RGS7: variants seen among roughly 807,000 people sequenced by gnomAD.
The protein encoded by RGS7 is regulator of G-protein signaling 7.
Under a neutral mutation model 81.1 loss-of-function variants are expected in RGS7, and 27 were observed. The observed-to-expected ratio is 0.33, with a 90% CI of 0.25 to 0.46. The LOEUF (loss-of-function observed/expected upper bound fraction) is 0.46. Ranked by LOEUF, RGS7 falls within the 20% of genes least tolerant of loss-of-function variation. The probability of loss-of-function intolerance (pLI) is 1.00; values close to 1 mark genes in which losing one functional copy is unlikely to be tolerated. For synonymous variants in RGS7, 208 were observed against 207.7 expected (o/e 1.00, Z -0.01); for missense variants, 396 against 607.4 (o/e 0.65, Z 3.66).
chr1:241,171,465 TATTA>T (rs1285710428), intron 2 of RGS7, among the ~76,000 whole-genome samples: 36 of 152,332 alleles, frequency 2.4e-4, no homozygotes, highest in African/African-American at 8.4e-4. Flanking sequence ...TTTATCCATC[TATTA>T]ATTCAATAGA....
chr1:241,207,248 T>TTCTCTCTC (rs149671121), intron 2 of RGS7, among the ~76,000 whole-genome samples: 8 of 149,852 alleles, frequency 5.3e-5, no homozygotes, highest in Admixed American at 6.7e-5. Context: ...GTTTCTTTCT[T>TTCTCTCTC]TCTCTCTCTC....
chr1:241,119,754 T>C (rs2066121481), intron 2 of RGS7, among the ~76,000 whole-genome samples: 1 of 152,246 alleles, frequency 6.6e-6, no homozygotes. Context: ...TTTCCAAAAT[T>C]ATAACTTTCA....
chr1:241,355,186 T>C (rs1477949494), intron 2 of RGS7, among the ~76,000 whole-genome samples: 2 of 152,162 alleles, frequency 1.3e-5, no homozygotes, highest in East Asian at 3.8e-4. Context: ...TAAAAAATAA[T>C]TTAGGCTAAG....
chr1:241,086,803 C>T (rs2063476305), intron 3 of RGS7, among the ~76,000 whole-genome samples: 1 of 152,154 alleles, frequency 6.6e-6, no homozygotes, highest in South Asian at 2.1e-4. Flanking sequence ...TCATCCTGTG[C>T]AAAGGTCACG....
intron 2 of RGS7, among the ~76,000 whole-genome samples, chr1:241,131,338 T>C (rs1050998674): frequency 9.2e-5 from 14 of 152,180 alleles, no homozygotes; most frequent in Non-Finnish European, 1.5e-5. Flanking sequence ...TCTAGAACAA[T>C]AGTTTTCCAA....
chr1:240,912,710 A>T (rs1454445108), intron 6 of RGS7, among the ~76,000 whole-genome samples: 1 of 151,574 alleles, frequency 6.6e-6, no homozygotes, highest in African/African-American at 2.4e-5. Context: ...TTCCTTCCTC[A>T]CTCCCAACAC....
chr1:241,123,320 A>G (rs1224833125), intron 2 of RGS7, among the ~76,000 whole-genome samples: 1 of 152,208 alleles, frequency 6.6e-6, no homozygotes. Flanking sequence ...TGTCCATAAA[A>G]TAACTGCCTT....
At chr1:241,237,472 A>G (rs903132862) in intron 2 of RGS7, among the ~76,000 whole-genome samples, 29 of 152,266 alleles carry the variant, frequency 1.9e-4, no homozygotes, top group South Asian at 1.7e-3. Flanking sequence ...AGTCCGCACC[A>G]GAATGTCTAG....
At chr1:240,995,270 T>A (rs1687093183) in intron 3 of RGS7, among the ~76,000 whole-genome samples, 1 of 152,190 alleles carries the variant, frequency 6.6e-6, no homozygotes. Context: ...TTTTACATCT[T>A]AATGAAGGAT....
chr1:241,150,537 A>G (rs1489550523), intron 2 of RGS7, among the ~76,000 whole-genome samples: 1 of 152,188 alleles, frequency 6.6e-6, no homozygotes, highest in African/African-American at 2.4e-5. Context: ...GCTTATTTGG[A>G]TAAATTGTTC....
chr1:241,068,224 T>TTG (rs71568983), intron 3 of RGS7, among the ~76,000 whole-genome samples: 1,399 of 55,830 alleles, frequency 0.025, 172 homozygotes, highest in African/African-American at 0.082. Context: ...TATCCATAAA[T>TTG]TGTGTGTGTG....
At chr1:241,133,576 T>C (rs2067278595) in intron 2 of RGS7, among the ~76,000 whole-genome samples, 1 of 152,146 alleles carries the variant, frequency 6.6e-6, no homozygotes, top group African/African-American at 2.4e-5. Context: ...ATAATATTAA[T>C]TTTCTCCCAC....
rs755092931 is a variant in RGS7 at position 240,827,187 on chromosome 1, A to T, written c.610-15T>A. The T allele has an allele frequency of 1.9e-6, 3 of 1,595,396 alleles. No individual in the cohort carries two copies. The South Asian group carries it at 3.3e-5, about 18-fold the overall frequency. The stretch of plus-strand genomic sequence containing the variant: ...ACACATCCAGGCTGGGAATGGAAAA[A>T]CAGAGAGACAAATGAATCTTTGGGT... On this transcript the variant is annotated splice_polypyrimidine_tract_variant and intron_variant, in intron 9 of 18. Coordinates refer to ENST00000440928, the MANE Select transcript of RGS7 (RefSeq NM_001364886.1).
At chr1:241,348,103 T>C (rs1200801357) in intron 2 of RGS7, among the ~76,000 whole-genome samples, 2 of 152,150 alleles carry the variant, frequency 1.3e-5, no homozygotes, top group African/African-American at 4.8e-5. Flanking sequence ...TAAAATTAAT[T>C]ACAATTTAAA....
chr1:241,186,073 A>C (rs2072068921), intron 2 of RGS7, among the ~76,000 whole-genome samples: 1 of 152,182 alleles, frequency 6.6e-6, no homozygotes, highest in Non-Finnish European at 1.5e-5. Context: ...ACAAATTTCT[A>C]GCCAGATTGA....
chr1:241,309,257 G>T (rs1239588024), intron 2 of RGS7, among the ~76,000 whole-genome samples: 3 of 151,656 alleles, frequency 2.0e-5, no homozygotes, highest in African/African-American at 4.8e-5. Context: ...GTGGTGGCAG[G>T]CGCTTGTAAT....
chr1:240,872,892 G>A (rs766226445), intron 6 of RGS7, among the ~76,000 whole-genome samples: 2 of 151,974 alleles, frequency 1.3e-5, no homozygotes, highest in African/African-American at 2.4e-5. Flanking sequence ...GTGTGGCCAA[G>A]ATGCTGAAAC....
rs1328504147 is a variant in RGS7, at chr1:241,338,834, T to C, written c.78+16865A>G. On this transcript the variant is annotated intron_variant, in intron 2 of 18. Transcript: ENST00000440928. ...GTACAGTACTCTGATAAAGAACATA[T>C]TATCATCATCACTGATTCCTTATCC... Among the ~76,000 whole-genome samples, 3 of 152,152 alleles carry C rather than the reference T, an allele frequency of 2.0e-5. No homozygotes were observed. The East Asian group carries it at 5.8e-4, about 29-fold the overall frequency.
intron 2 of RGS7, among the ~76,000 whole-genome samples, chr1:241,314,845 T>C (rs1005556621): frequency 6.6e-6 from 1 of 152,152 alleles, no homozygotes; most frequent in African/African-American, 2.4e-5. Context: ...AAGATTATTT[T>C]CACTGTACTG....
Sources: allele counts gnomAD v4.1 joint callset (sites outside exome capture counted in the v4.1 genomes callset), GRCh38; gene constraint gnomAD v4.1.1; transcripts MANE v1.5; gene names NCBI Gene and HGNC (gene_info 2026-07-23, HGNC 2026-07-21).